Variants in HCRTR2 observed in about 807,000 individuals in gnomAD.
HCRTR2 encodes the protein orexin receptor type 2.
In HCRTR2, 22 loss-of-function variants were observed where a neutral mutation model predicts 49.0. The ratio of observed to expected loss-of-function variants is 0.45; its 90% confidence interval spans 0.32 to 0.64. The LOEUF (loss-of-function observed/expected upper bound fraction) is 0.64. Among genes scored for constraint, HCRTR2 ranks in the 30% least tolerant of loss-of-function variants. The pLI, the probability that HCRTR2 is intolerant of heterozygous loss-of-function variation, is 0.04. For synonymous variants in HCRTR2, 236 were observed against 205.3 expected (o/e 1.15, Z -1.28); for missense variants, 491 against 559.4 (o/e 0.88, Z 1.23).
At chr6:55,259,638 G>C (rs867226234) in intron 3 of HCRTR2, among the ~76,000 whole-genome samples, 1 of 148,910 alleles carries the variant, frequency 6.7e-6, no homozygotes. Flanking sequence ...ATCCACATTT[G>C]TTCCTTATTA....
At chr6:55,156,957 T>C (rs1400315849) in intron 1 of HCRTR2, among the ~76,000 whole-genome samples, 1 of 152,138 alleles carries the variant, frequency 6.6e-6, no homozygotes, top group Non-Finnish European at 1.5e-5. Context: ...CTGAAATCTC[T>C]GAATATTTTC....
At chr6:55,109,409 A>T (rs1561973742) in intron 1 of HCRTR2, among the ~76,000 whole-genome samples, 1 of 152,288 alleles carries the variant, frequency 6.6e-6, no homozygotes, top group South Asian at 2.1e-4. Flanking sequence ...CAGAAGGTCA[A>T]TTTTTAAGCT....
intron 1 of HCRTR2, among the ~76,000 whole-genome samples, chr6:55,248,402 A>G (rs1766485658): frequency 6.6e-6 from 1 of 152,128 alleles, no homozygotes; most frequent in African/African-American, 2.4e-5. Flanking sequence ...AAAATCAAGT[A>G]AAAATAAATA....
upstream of HCRTR2, among the ~76,000 whole-genome samples, chr6:55,172,678 T>G (rs1764967959): frequency 6.6e-6 from 1 of 152,198 alleles, no homozygotes; most frequent in African/African-American, 2.4e-5. Flanking sequence ...CATTTATCTT[T>G]CGTAAATCAT....
At chr6:55,189,537 G>A (rs1765280756) in intron 1 of HCRTR2, among the ~76,000 whole-genome samples, 1 of 152,128 alleles carries the variant, frequency 6.6e-6, no homozygotes. Flanking sequence ...AACTAACATG[G>A]GAACATAAAA....
At chr6:55,145,701 C>T (rs10456701) in intron 1 of HCRTR2, among the ~76,000 whole-genome samples, 40,165 of 152,070 alleles carry the variant, frequency 0.26, 6,212 homozygotes, top group Middle Eastern at 0.45. Context: ...AGGCTTGAGA[C>T]ACTGCGCCCG....
At chr6:55,235,033 A>T (rs750514691) in intron 1 of HCRTR2, among the ~76,000 whole-genome samples, 7 of 152,172 alleles carry the variant, frequency 4.6e-5, no homozygotes, top group Non-Finnish European at 8.8e-5. Context: ...TACAACCTGG[A>T]TCTTACAAAC....
chr6:55,181,196 C>T (rs956861857), intron 1 of HCRTR2, among the ~76,000 whole-genome samples: 1 of 152,048 alleles, frequency 6.6e-6, no homozygotes, highest in Admixed American at 6.6e-5. Flanking sequence ...TTACATCAGA[C>T]ATGAAATGAC....
intron 1 of HCRTR2, among the ~76,000 whole-genome samples, chr6:55,245,630 A>G (rs1766428880): frequency 6.6e-6 from 1 of 151,018 alleles, no homozygotes; most frequent in African/African-American, 2.4e-5. Context: ...GCACCTGGAG[A>G]AATGATTGCA....
At chr6:55,128,565 T>A (rs1764312464) in intron 1 of HCRTR2, among the ~76,000 whole-genome samples, 1 of 152,210 alleles carries the variant, frequency 6.6e-6, no homozygotes, top group African/African-American at 2.4e-5. Context: ...CATGGGAATA[T>A]TTTTCATTTG....
In HCRTR2 at chr6:55,165,743, GAA is replaced by G. The variant is rs1491544188; in HGVS notation, c.-377-8467_-377-8466del. On this transcript the variant is annotated intron_variant, in intron 1 of 7. Coordinates refer to the HCRTR2 transcript ENST00000615358. ...GTATTTGTTAAGGGATTAGTATACA[GAA>G]TATATATATATATATATATATATAT... is the stretch of plus-strand genomic sequence containing the variant. 8.0e-3 allele frequency among the ~76,000 whole-genome samples: 718 copies of G among 90,142 alleles called. 25 individuals carry two copies. The highest frequency in any genetic ancestry group is 0.014 in the South Asian group (33 of 2,436). The allele number at this position is 90,142 out of a possible 152,430, so 59.1% of individuals were successfully genotyped here.
intron 1 of HCRTR2, among the ~76,000 whole-genome samples, chr6:55,164,712 A>G (rs879707233): frequency 4.6e-5 from 7 of 152,136 alleles, no homozygotes; most frequent in Admixed American, 4.6e-4. Flanking sequence ...ACCGTGGCAC[A>G]TGTATACCTA....
intron 1 of HCRTR2, among the ~76,000 whole-genome samples, chr6:55,150,228 A>C (rs1269741819): frequency 6.6e-6 from 1 of 152,010 alleles, no homozygotes; most frequent in African/African-American, 2.4e-5. Context: ...TTTGAAGATT[A>C]GTAAACACCC....
intron 1 of HCRTR2, among the ~76,000 whole-genome samples, chr6:55,245,353 G>A (rs1384095298): frequency 3.5e-5 from 5 of 142,624 alleles, no homozygotes; most frequent in Admixed American, 2.8e-4. Context: ...ATCTACACAA[G>A]GGAACCGATG....
chr6:55,183,327 T>G (rs965127753), intron 1 of HCRTR2, among the ~76,000 whole-genome samples: 2 of 152,040 alleles, frequency 1.3e-5, no homozygotes, highest in African/African-American at 4.8e-5. Context: ...GAAAATTGGG[T>G]AAGGATGTTC....
At chr6:55,214,043 C>T (rs1312363996) in intron 1 of HCRTR2, among the ~76,000 whole-genome samples, 1 of 151,670 alleles carries the variant, frequency 6.6e-6, no homozygotes, top group African/African-American at 2.4e-5. Context: ...CTAGCATATT[C>T]TAGATGCCTG....
chr6:55,240,943 C>T (rs1025038632), intron 1 of HCRTR2: 3 of 169,246 alleles, frequency 1.8e-5, no homozygotes, highest in Admixed American at 6.3e-5. Context: ...GCCATTTTAT[C>T]CTTCTTTTTT....
chr6:55,245,498 T>C (rs1002245837), intron 1 of HCRTR2, among the ~76,000 whole-genome samples: 1 of 132,794 alleles, frequency 7.5e-6, no homozygotes, highest in South Asian at 2.3e-4. Flanking sequence ...TATATATATA[T>C]ATATATATCT....
intron 1 of HCRTR2, among the ~76,000 whole-genome samples, chr6:55,107,011 G>A (rs148189117): frequency 5.5e-4 from 83 of 152,262 alleles, no homozygotes; most frequent in African/African-American, 1.9e-3. Context: ...GTGATTGTAA[G>A]TGATTGCTAT....
Sources: allele counts gnomAD v4.1 joint callset (sites outside exome capture counted in the v4.1 genomes callset), GRCh38; gene constraint gnomAD v4.1.1; transcripts MANE v1.5; gene names NCBI Gene and HGNC (gene_info 2026-07-23, HGNC 2026-07-21).